SDK2: variants seen among roughly 807,000 people sequenced by gnomAD.
The protein encoded by SDK2 is sidekick cell adhesion molecule 2.
A neutral mutation model predicts 253.9 loss-of-function variants in SDK2; 105 were observed. The observed-to-expected ratio is 0.41, with a 90% CI of 0.35 to 0.49. SDK2 has a LOEUF of 0.49. Among genes scored for constraint, SDK2 ranks in the 20% least tolerant of loss-of-function variants. The probability of loss-of-function intolerance (pLI) is 0.06; values close to 1 mark genes in which losing one functional copy is unlikely to be tolerated. For missense variants in SDK2, 2,608 were observed against 3,003.0 expected (o/e 0.87, Z 3.07); for synonymous variants, 1,249 against 1,234.9 (o/e 1.01, Z -0.24).
At chr17:73,488,375 AAC>A (rs1329335069) in intron 2 of SDK2, among the ~76,000 whole-genome samples, 1 of 152,238 alleles carries the variant, frequency 6.6e-6, no homozygotes, top group African/African-American at 2.4e-5. Flanking sequence ...CTTGTTTTCA[AAC>A]ACACATTTGT....
chr17:73,627,846 G>A (rs1359309635), intron 1 of SDK2, among the ~76,000 whole-genome samples: 1 of 152,130 alleles, frequency 6.6e-6, no homozygotes, highest in African/African-American at 2.4e-5. Context: ...TCAGGAGTTC[G>A]AGACCATCCT....
At position 73,368,315 on chromosome 17, in the gene SDK2, C is replaced by G. The variant is rs956513978; in HGVS notation, c.5167+92G>C. On this transcript the variant is annotated intron_variant, in intron 37 of 44. Transcript: ENST00000392650. ...CTCAGGCGGATAAGGCAGCTGCCCC[C>G]ATGCCTGCCAAGAGCCCGGATGCCA... 16 of 1,195,782 alleles carry G rather than the reference C, an allele frequency of 1.3e-5. 1 individual carries two copies. The Admixed American group carries it at 5.1e-4, about 38-fold the overall frequency. The allele number at this position is 1,195,782 out of a possible 1,614,324, so 74.1% of individuals were successfully genotyped here.
At chr17:73,344,819 G>A (rs1023464677) in intron 44 of SDK2, among the ~76,000 whole-genome samples, 26 of 152,166 alleles carry the variant, frequency 1.7e-4, no homozygotes, top group Admixed American at 1.6e-3. Context: ...GGTCAGAGCC[G>A]TTCAGTAGAA....
At chr17:73,610,212 T>G (rs2045956213) in intron 1 of SDK2, among the ~76,000 whole-genome samples, 1 of 152,190 alleles carries the variant, frequency 6.6e-6, no homozygotes, top group Non-Finnish European at 1.5e-5. Context: ...AAAAGTTGTG[T>G]GCCCATGCAC....
At position 73,368,538 on chromosome 17, in the gene SDK2, A is replaced by G. The variant is rs1255916188; in HGVS notation, c.5036T>C (p.Phe1679Ser). ...GAGCTTCACGCTGTTCTCAGCCAGG[A>G]AAAGCGTCTTCACTCGCTCTGTGAG... Reference protein sequence around the residue: ...GNLTERVKTLFLAENSVKLKN... With the variant: ...GNLTERVKTLSLAENSVKLKN... The change falls in exon 37 of 45, where the codon TTC becomes TCC. Residue 1679 changes from phenylalanine to serine, a missense_variant. Coordinates refer to ENST00000392650, the MANE Select transcript of SDK2 (RefSeq NM_001144952.2). 6.2e-7 allele frequency: 1 copy of G among 1,608,940 alleles called. No homozygotes were observed. Among genetic ancestry groups the G allele is most frequent in the Non-Finnish European group, 8.5e-7 (1 of 1,177,904 alleles).
intron 17 of SDK2, among the ~76,000 whole-genome samples, chr17:73,414,998 C>T (rs1007008462): frequency 3.3e-5 from 5 of 152,120 alleles, no homozygotes; most frequent in African/African-American, 4.8e-5. Flanking sequence ...AAGAGGGGTG[C>T]GGATGAAAAA....
chr17:73,446,463 C>T (rs1418080865), intron 5 of SDK2, among the ~76,000 whole-genome samples: 2 of 152,182 alleles, frequency 1.3e-5, no homozygotes, highest in Non-Finnish European at 2.9e-5. Context: ...AGACTGGATG[C>T]TGAGTAGGGG....
intron 1 of SDK2, among the ~76,000 whole-genome samples, chr17:73,610,557 C>T (rs370998685): frequency 1.3e-5 from 2 of 152,200 alleles, no homozygotes; most frequent in Non-Finnish European, 2.9e-5. Context: ...AGCCACAAGA[C>T]GGCCAGGAGA....
intron 3 of SDK2, among the ~76,000 whole-genome samples, chr17:73,464,611 C>T (rs548161778): frequency 2.6e-5 from 4 of 152,346 alleles, no homozygotes; most frequent in African/African-American, 9.6e-5. Context: ...TTCCCCACTC[C>T]ACTTCAGCTA....
chr17:73,576,839 C>T (rs1197080474), intron 1 of SDK2, among the ~76,000 whole-genome samples: 1 of 152,124 alleles, frequency 6.6e-6, no homozygotes, highest in African/African-American at 2.4e-5. Context: ...GCTGGCAACC[C>T]CAGGGTACCA....
intron 1 of SDK2, among the ~76,000 whole-genome samples, chr17:73,561,379 G>A (rs991023410): frequency 1.3e-5 from 2 of 152,218 alleles, no homozygotes; most frequent in African/African-American, 4.8e-5. Flanking sequence ...CTAGGGTAGG[G>A]AGAGAAGACG....
chr17:73,635,512 G>A (rs561656433), intron 1 of SDK2, among the ~76,000 whole-genome samples: 1 of 152,288 alleles, frequency 6.6e-6, no homozygotes, highest in South Asian at 2.1e-4. Flanking sequence ...GGTGCCCAGG[G>A]AAGGGGGAAA....
At chr17:73,497,975 C>T (rs919670167) in intron 2 of SDK2, among the ~76,000 whole-genome samples, 2 of 152,112 alleles carry the variant, frequency 1.3e-5, no homozygotes, top group Non-Finnish European at 2.9e-5. Flanking sequence ...ATCCCCCTGC[C>T]CTGGCTACCT....
intron 1 of SDK2, among the ~76,000 whole-genome samples, chr17:73,513,239 G>A (rs1226196629): frequency 6.6e-6 from 1 of 151,788 alleles, no homozygotes; most frequent in Non-Finnish European, 1.5e-5. Context: ...TAATTTTCCT[G>A]ATATAGAAAT....
At chr17:73,396,980 T>G (rs2062976262) in intron 24 of SDK2, among the ~76,000 whole-genome samples, 1 of 152,226 alleles carries the variant, frequency 6.6e-6, no homozygotes, top group Non-Finnish European at 1.5e-5. Context: ...GCCAAGCGCT[T>G]TCATGGCCGC....
At chr17:73,544,882 T>A (rs183248681) in intron 1 of SDK2, among the ~76,000 whole-genome samples, 1,545 of 152,206 alleles carry the variant, frequency 0.01, 31 homozygotes, top group African/African-American at 0.036. Context: ...TCCTTCACCA[T>A]CAGGAGTGAA....
chr17:73,538,362 ACCAG>A (rs2044813568), intron 1 of SDK2, among the ~76,000 whole-genome samples: 6 of 151,938 alleles, frequency 3.9e-5, no homozygotes, highest in Non-Finnish European at 8.8e-5. Flanking sequence ...GACTCCCCTT[ACCAG>A]CTTTCCCTGG....
chr17:73,453,120 TAC>T, intron 4 of SDK2, among the ~76,000 whole-genome samples: 1 of 152,338 alleles, frequency 6.6e-6, no homozygotes, highest in African/African-American at 2.4e-5. Context: ...TCTATTTTCC[TAC>T]ATCTTGATTC....
At chr17:73,425,963 G>C (rs1483396995) in intron 12 of SDK2, among the ~76,000 whole-genome samples, 1 of 152,108 alleles carries the variant, frequency 6.6e-6, no homozygotes, top group Non-Finnish European at 1.5e-5. Context: ...GTAACAGTTA[G>C]CCTTTGTTAC....
Sources: allele counts gnomAD v4.1 joint callset (sites outside exome capture counted in the v4.1 genomes callset), GRCh38; gene constraint gnomAD v4.1.1; transcripts MANE v1.5; gene names NCBI Gene and HGNC (gene_info 2026-07-23, HGNC 2026-07-21).